NTM: variants seen among roughly 807,000 people sequenced by gnomAD.
The protein encoded by NTM is neurotrimin.
NTM carries 13 observed loss-of-function variants against 42.1 expected under a neutral mutation model. The ratio of observed to expected loss-of-function variants is 0.31; its 90% CI spans 0.20 to 0.49. The LOEUF (loss-of-function observed/expected upper bound fraction) is 0.49, where lower values mean the gene tolerates loss of function less well. Ranked by LOEUF, NTM falls within the 20% of genes least tolerant of loss-of-function variation. The pLI, the probability that NTM is intolerant of heterozygous loss-of-function variation, is 0.99. For missense variants in NTM, 373 were observed against 452.8 expected, an observed-to-expected ratio of 0.82 and a Z score of 1.60; for synonymous variants, 187 against 179.2, an observed-to-expected ratio of 1.04 and a Z score of -0.35.
intron 2 of NTM, among the ~76,000 whole-genome samples, chr11:132,041,189 T>TTGTGGG (rs367991590): frequency 2.1e-4 from 27 of 126,054 alleles, no homozygotes; most frequent in Middle Eastern, 3.8e-3. Flanking sequence ...GCCTTTTTGT[T>TTGTGGG]TGTGTGTGGG....
chr11:131,633,823 G>A (rs971530894), intron 1 of NTM, among the ~76,000 whole-genome samples: 5 of 140,144 alleles, frequency 3.6e-5, no homozygotes, highest in African/African-American at 8.0e-5. Context: ...CAATTTAGAA[G>A]AGCAAACAGC....
intron 2 of NTM, among the ~76,000 whole-genome samples, chr11:132,108,213 C>G (rs1187176932): frequency 2.0e-5 from 3 of 152,118 alleles, no homozygotes; most frequent in Non-Finnish European, 4.4e-5. Flanking sequence ...CACTTCATAC[C>G]TTTACCTCTA....
At chr11:131,739,789 C>T (rs1317677117) in intron 1 of NTM, among the ~76,000 whole-genome samples, 2 of 152,188 alleles carry the variant, frequency 1.3e-5, no homozygotes, top group African/African-American at 4.8e-5. Context: ...CGGCAGTTGC[C>T]AAAGGCAGCC....
At chr11:132,236,603 T>A (rs1440047610) in intron 4 of NTM, among the ~76,000 whole-genome samples, 1 of 152,158 alleles carries the variant, frequency 6.6e-6, no homozygotes, top group Non-Finnish European at 1.5e-5. Context: ...GCCTTACCTA[T>A]ACTTGAATCG....
Position 131,370,642 on chromosome 11 carries a change from A to G in NTM, c.-165A>G, listed in dbSNP as rs1276065035. The G allele has an allele frequency of 1.6e-6, 1 of 615,884 alleles. No homozygotes were observed. The highest frequency in any genetic ancestry group is 1.8e-5 in the African/African-American group (1 of 54,140). 38.2% of individuals were successfully genotyped at this position (615,884 alleles called of 1,614,324 possible). The stretch of plus-strand genomic sequence containing the variant: ...AGTATGAGTGGAGATAATTACGGAG[A>G]AGTCATACTCTCTCACACCCTCGGC... On this transcript the variant is annotated 5_prime_UTR_variant, in exon 1 of 9. Transcript: ENST00000683400.
chr11:131,789,616 GAA>G (rs2090418195), intron 1 of NTM, among the ~76,000 whole-genome samples: 4 of 84,322 alleles, frequency 4.7e-5, no homozygotes, highest in Admixed American at 1.3e-4. Context: ...AGAAGAAGAA[GAA>G]GAAGAAGAAG....
intron 1 of NTM, among the ~76,000 whole-genome samples, chr11:131,713,255 C>A (rs1746608964): frequency 6.6e-6 from 1 of 152,114 alleles, no homozygotes; most frequent in Non-Finnish European, 1.5e-5. Flanking sequence ...TGCCGTAATA[C>A]AAGTAAAAGA....
intron 1 of NTM, among the ~76,000 whole-genome samples, chr11:131,863,962 AG>A (rs1277087782): frequency 1.3e-5 from 2 of 152,208 alleles, no homozygotes; most frequent in African/African-American, 4.8e-5. Flanking sequence ...AGGCCCCAAA[AG>A]TGCACCTGAT....
chr11:131,773,717 C>T (rs527633451), intron 1 of NTM, among the ~76,000 whole-genome samples: 5 of 152,342 alleles, frequency 3.3e-5, no homozygotes, highest in African/African-American at 1.2e-4. Flanking sequence ...TACGTTGCTT[C>T]AAACTCATAA....
Position 132,038,257 on chromosome 11 carries a change from C to T in NTM, c.168-108025C>T, listed in dbSNP as rs570375027. On this transcript the variant is annotated intron_variant, in intron 2 of 8. Transcript: ENST00000683400. ...GGGTTATCTTGATCAATCCACCTTT[C>T]TTGATGGTGCTCGCTGCCCTCATGC... is the stretch of plus-strand genomic sequence containing the variant. 5.3e-5 allele frequency among the ~76,000 whole-genome samples: 8 copies of T among 152,362 alleles called. No homozygotes were observed. In the South Asian group the frequency reaches 1.7e-3, roughly 32 times the overall value.
At chr11:132,150,272 T>G (rs2071557459) in intron 3 of NTM, among the ~76,000 whole-genome samples, 1 of 152,158 alleles carries the variant, frequency 6.6e-6, no homozygotes, top group Non-Finnish European at 1.5e-5. Flanking sequence ...ATTTATCTAT[T>G]TATGCTCCAT....
intron 4 of NTM, among the ~76,000 whole-genome samples, chr11:132,248,884 G>C (rs894459100): frequency 1.3e-5 from 2 of 152,232 alleles, no homozygotes; most frequent in African/African-American, 4.8e-5. Flanking sequence ...GCATAGGAAA[G>C]GGTGGTGGTC....
intron 2 of NTM, among the ~76,000 whole-genome samples, chr11:132,046,050 A>G (rs2077941408): frequency 6.6e-6 from 1 of 152,210 alleles, no homozygotes; most frequent in Non-Finnish European, 1.5e-5. Context: ...CTTTTAGACT[A>G]TAACCATCCA....
intron 1 of NTM, among the ~76,000 whole-genome samples, chr11:131,890,704 C>T (rs959497301): frequency 1.3e-5 from 2 of 152,126 alleles, no homozygotes; most frequent in African/African-American, 2.4e-5. Context: ...AAGCTCAGAA[C>T]GAGCTCCTCG....
chr11:131,792,242 C>A (rs905145613), intron 1 of NTM, among the ~76,000 whole-genome samples: 3 of 151,922 alleles, frequency 2.0e-5, no homozygotes, highest in African/African-American at 4.8e-5. Context: ...ATTAAAAAAA[C>A]ACACAAAAAT....
chr11:131,562,350 A>C (rs188652197), intron 1 of NTM, among the ~76,000 whole-genome samples: 1 of 152,312 alleles, frequency 6.6e-6, no homozygotes, highest in Non-Finnish European at 1.5e-5. Context: ...TGAAGAATCA[A>C]ATTCATTATG....
At chr11:132,117,448 G>A (rs1034656657) in intron 2 of NTM, among the ~76,000 whole-genome samples, 4 of 152,204 alleles carry the variant, frequency 2.6e-5, no homozygotes, top group African/African-American at 9.6e-5. Flanking sequence ...CTGATGGAAG[G>A]AGTGACAAGT....
At chr11:131,548,631 C>T (rs368446903) in intron 1 of NTM, among the ~76,000 whole-genome samples, 8 of 152,244 alleles carry the variant, frequency 5.3e-5, no homozygotes, top group South Asian at 2.1e-4. Flanking sequence ...CTTTCTATTC[C>T]GATCCAGAAA....
chr11:131,393,364 A>G lies in NTM; in HGVS notation c.82+22476A>G, dbSNP rs187626343. Among the ~76,000 whole-genome samples, 9 of 152,320 alleles carry G rather than the reference A, an allele frequency of 5.9e-5. 1 individual carries two copies. The East Asian group carries it at 9.7e-4, about 16-fold the overall frequency. On this transcript the variant is annotated intron_variant, in intron 1 of 8. Transcript: ENST00000683400. ...ATAGTAGTAGAGAGACTTGGAATTTACTAATCCTAAACCACAAATGGGAAG... is the reference window on the plus strand; with the variant it reads ...ATAGTAGTAGAGAGACTTGGAATTTGCTAATCCTAAACCACAAATGGGAAG...
Sources: allele counts gnomAD v4.1 joint callset (sites outside exome capture counted in the v4.1 genomes callset), GRCh38; gene constraint gnomAD v4.1.1; transcripts MANE v1.5; gene names NCBI Gene and HGNC (gene_info 2026-07-23, HGNC 2026-07-21).